Variants in CRHR1 observed in about 807,000 individuals in gnomAD.
The protein encoded by CRHR1 is corticotropin releasing hormone receptor 1, also known as corticotropin-releasing hormone receptor 1.
In CRHR1, 28 loss-of-function variants were observed where a neutral mutation model predicts 56.0. The ratio of observed to expected loss-of-function variants is 0.50; its 90% CI spans 0.37 to 0.69. The LOEUF (loss-of-function observed/expected upper bound fraction) is 0.69, where lower values mean the gene tolerates loss of function less well. Ranked by LOEUF, CRHR1 falls within the 30% of genes least tolerant of loss-of-function variation. The pLI is 0.00. For missense variants in CRHR1, 376 were observed against 548.0 expected (o/e 0.69, Z 3.13); for synonymous variants, 195 against 216.5 (o/e 0.90, Z 0.87).
In CRHR1 at chr17:45,834,807, G is replaced by C. The variant is rs1043118565; in HGVS notation, c.*43G>C. On this transcript the variant is annotated 3_prime_UTR_variant, in exon 13 of 13. Coordinates refer to ENST00000314537, the MANE Select transcript of CRHR1 (RefSeq NM_004382.5). ...CAGCCCCCAAAGAGCTGTGGCTGGG[G>C]GGATGACGGCCAGGCTCCCTGACCA... 6.2e-7 allele frequency: 1 copy of C among 1,611,100 alleles called. No individual in the cohort carries two copies. Among genetic ancestry groups the C allele is most frequent in the East Asian group, 2.2e-5 (1 of 44,822 alleles).
At chr17:45,821,486 G>T in intron 4 of CRHR1, 46 bp downstream of exon 4, 1 of 1,557,188 alleles carries the variant, frequency 6.4e-7, no homozygotes. Flanking sequence ...GGGAGTCCAG[G>T]GTCCCCAGCA....
intron 3 of CRHR1, among the ~76,000 whole-genome samples, chr17:45,820,520 G>A (rs1309059793): frequency 6.6e-6 from 1 of 152,140 alleles, no homozygotes; most frequent in African/African-American, 2.4e-5. Flanking sequence ...AAGGTGACAG[G>A]TTCTGGGCCA....
chr17:45,820,102 G>A (rs1375646251), intron 3 of CRHR1, among the ~76,000 whole-genome samples: 1 of 152,184 alleles, frequency 6.6e-6, no homozygotes, highest in African/African-American at 2.4e-5. Flanking sequence ...CAGACTCAAG[G>A]ACTGGGACTC....
At chr17:45,809,742 G>T (rs965694845) in intron 2 of CRHR1, among the ~76,000 whole-genome samples, 7 of 152,402 alleles carry the variant, frequency 4.6e-5, no homozygotes, top group African/African-American at 9.6e-5. Flanking sequence ...CACCGAGCCA[G>T]GGCCTTTGGG....
rs145420411 is a variant in CRHR1, at chr17:45,820,432, G to A, written c.242-923G>A. Among the ~76,000 whole-genome samples the A allele has an allele frequency of 2.6e-3, 389 of 152,220 alleles. 3 individuals carry two copies. The highest frequency in any genetic ancestry group is 9.2e-3 in the African/African-American group (382 of 41,528). ...GCATGAAGGAGGGTAAGGGGAACAC[G>A]TTGGGCAGCTCTGCCCATCCCAGGG... On this transcript the variant is annotated intron_variant, in intron 3 of 12. Transcript: ENST00000314537.
intron 1 of CRHR1, among the ~76,000 whole-genome samples, chr17:45,803,147 G>A (rs572210392): frequency 6.6e-6 from 1 of 152,084 alleles, no homozygotes; most frequent in Non-Finnish European, 1.5e-5. Flanking sequence ...GACCAGGGGT[G>A]GGGGGTGGCA....
chr17:45,834,787 C>T lies in CRHR1; in HGVS notation c.*23C>T. 1.9e-6 allele frequency: 3 copies of T among 1,613,208 alleles called. No homozygotes were observed. Among genetic ancestry groups the T allele is most frequent in the Admixed American group, 1.7e-5 (1 of 60,008 alleles). On this transcript the variant is annotated 3_prime_UTR_variant, in exon 13 of 13. Coordinates refer to ENST00000314537, the MANE Select transcript of CRHR1 (RefSeq NM_004382.5). ...TGAGCTGGCAGGTCATGGAGCAGCCCCCAAAGAGCTGTGGCTGGGGGGATG... is the reference window on the plus strand; with the variant it reads ...TGAGCTGGCAGGTCATGGAGCAGCCTCCAAAGAGCTGTGGCTGGGGGGATG...
chr17:45,813,049 C>G (rs776142943), intron 2 of CRHR1, among the ~76,000 whole-genome samples: 2 of 152,198 alleles, frequency 1.3e-5, no homozygotes, highest in Non-Finnish European at 2.9e-5. Flanking sequence ...CGCAGGATGG[C>G]GATCTGAAAT....
intron 1 of CRHR1, among the ~76,000 whole-genome samples, chr17:45,804,420 C>T (rs1053257754): frequency 1.3e-5 from 2 of 152,108 alleles, no homozygotes; most frequent in African/African-American, 4.8e-5. Flanking sequence ...GGACCAGGCT[C>T]TGACGAGGAG....
chr17:45,814,139 G>A (rs893450990), intron 2 of CRHR1, among the ~76,000 whole-genome samples: 14 of 152,234 alleles, frequency 9.2e-5, no homozygotes. Flanking sequence ...TGGAGAGGGT[G>A]TGTTCCGTGT....
chr17:45,821,613 G>A (rs1371722656), intron 4 of CRHR1, among the ~76,000 whole-genome samples, 173 bp downstream of exon 4: 2 of 152,344 alleles, frequency 1.3e-5, no homozygotes, highest in South Asian at 2.1e-4. Flanking sequence ...ATGAGCAGGC[G>A]CCCTCGAGGG....
intron 1 of CRHR1, among the ~76,000 whole-genome samples, chr17:45,790,054 G>A (rs1203048191): frequency 6.6e-6 from 1 of 152,162 alleles, no homozygotes; most frequent in African/African-American, 2.4e-5. Context: ...AGGGGATGGG[G>A]GTAGAGGAAG....
At chr17:45,815,716 G>A (rs1043414286) in intron 2 of CRHR1, among the ~76,000 whole-genome samples, 19 of 152,198 alleles carry the variant, frequency 1.2e-4, no homozygotes, top group African/African-American at 4.1e-4. Flanking sequence ...GAGGGCAAGT[G>A]ACTTGCCTAT....
Position 45,833,227 on chromosome 17 carries a change from G to T in CRHR1, c.843+17G>T, listed in dbSNP as rs1325375711. ...GTCCTGCTGGTAAGAACCTGGGTAG[G>T]GGCAGGAGACAGGGCCCAGTGGGGA... On this transcript the variant is annotated intron_variant, in intron 9 of 12. Coordinates refer to ENST00000314537, the MANE Select transcript of CRHR1 (RefSeq NM_004382.5). 1.2e-6 allele frequency: 2 copies of T among 1,613,088 alleles called. No homozygotes were observed. The highest frequency in any genetic ancestry group is 1.7e-6 in the Non-Finnish European group (2 of 1,179,142).
Position 45,786,131 on chromosome 17 carries a change from T to TC in CRHR1, c.33+1554_33+1555insC, listed in dbSNP as rs200629898. Reference sequence around the variant, plus strand: ...GAACTGCGGGTGTTTTCTTTTCTTTTTTTTTTTTTCAGGTTTACGCGGAAA... The same window carrying TC: ...GAACTGCGGGTGTTTTCTTTTCTTTTCTTTTTTTTTCAGGTTTACGCGGAAA... On this transcript the variant is annotated intron_variant, in intron 1 of 12. Coordinates refer to ENST00000314537, the MANE Select transcript of CRHR1 (RefSeq NM_004382.5). Among the ~76,000 whole-genome samples, 497 of 151,428 alleles carry TC rather than the reference T, an allele frequency of 3.3e-3. 4 individuals carry two copies. Among genetic ancestry groups the TC allele is most frequent in the African/African-American group, 0.011 (444 of 41,276 alleles).
chr17:45,821,851 G>A (rs1173170552), intron 4 of CRHR1, among the ~76,000 whole-genome samples: 1 of 152,212 alleles, frequency 6.6e-6, no homozygotes, highest in Non-Finnish European at 1.5e-5. Context: ...GGAAACCAGG[G>A]ACGGGATGGA....
In CRHR1 at chr17:45,830,506, A is replaced by G. The variant is rs1476072386; in HGVS notation, c.645A>G (p.Thr215=). ...TCGGCGAGGGCTGCTACCTGCACAC[A>G]GCCATCGTGCTCACCTACTCCACTG... is the stretch of plus-strand genomic sequence containing the variant. The part of the protein sequence containing the change: ...WMFGEGCYLH[T]AIVLTYSTDR... Residue 215 remains threonine (T), a synonymous_variant, in exon 7 of 13, where the codon ACA becomes ACG. Coordinates refer to ENST00000314537, the MANE Select transcript of CRHR1 (RefSeq NM_004382.5). 6.2e-7 allele frequency: 1 copy of G among 1,613,638 alleles called. No individual in the cohort carries two copies. The highest frequency in any genetic ancestry group is 2.2e-5 in the East Asian group (1 of 44,886).
At chr17:45,829,475 C>A in intron 5 of CRHR1, 154 bp downstream of exon 5, 1 of 1,405,976 alleles carries the variant, frequency 7.1e-7, no homozygotes, top group Non-Finnish European at 9.7e-7. Flanking sequence ...CTCTGGGAAC[C>A]TCTGGCAGAG....
intron 1 of CRHR1, among the ~76,000 whole-genome samples, chr17:45,797,385 G>T (rs2061540994): frequency 6.7e-6 from 1 of 148,694 alleles, no homozygotes; most frequent in Non-Finnish European, 1.5e-5. Context: ...CCGCCTCCCG[G>T]GTTCATGCCA....
Sources: gnomAD v4.1 joint callset for allele counts (sites outside exome capture counted in the v4.1 genomes callset) on GRCh38, gnomAD v4.1.1 for gene constraint, MANE v1.5 for transcripts, NCBI Gene and HGNC (gene_info 2026-07-23, HGNC 2026-07-21) for gene names.